The following ZNF138 variants were observed in gnomAD, a reference collection of about 807,000 sequenced individuals.
The protein encoded by ZNF138 is zinc finger protein 138, also known as zinc finger protein 138 (clone pHZ-32).
In ZNF138, 33 loss-of-function variants were observed where a neutral mutation model predicts 33.0. The ratio of observed to expected loss-of-function variants is 1.00; its 90% CI spans 0.76 to 1.34. ZNF138 has a LOEUF of 1.34. ZNF138 is among the 40% of genes most tolerant of loss of function. The probability of loss-of-function intolerance (pLI) is 0.00; values close to 1 mark genes in which losing one functional copy is unlikely to be tolerated. For missense variants in ZNF138, 360 were observed against 370.8 expected (o/e 0.97, Z 0.24); for synonymous variants, 139 against 120.4 (o/e 1.15, Z -1.01).
chr7:64,815,599 G>C lies in ZNF138; in HGVS notation c.154G>C (p.Gly52Arg), dbSNP rs1269090146. 2 of 1,612,400 alleles carry C rather than the reference G, an allele frequency of 1.2e-6. No individual in the cohort carries two copies. Among genetic ancestry groups the C allele is most frequent in the African/African-American group, 2.7e-5 (2 of 74,756 alleles). Residue 52 changes from glycine to arginine, a missense_variant, in exon 3 of 4, where the codon GGA becomes CGA. By Grantham distance (125) the Gly-to-Arg change is moderately radical. Transcript: ENST00000307355. ...AGACCTGATTACCTGTCTGGAACAA[G>C]GAAAAGAGCCCTGGAATATGAAGAG... ...FLDLITCLEQ[G>R]KEPWNMKRHE...
At chr7:64,850,460 G>A in the ZNF138 span, among the ~76,000 whole-genome samples, 1 of 152,046 alleles carries the variant, frequency 6.6e-6, no homozygotes, top group Non-Finnish European at 1.5e-5. Flanking sequence ...CTTGCCTCCT[G>A]TTCGCTATTT....
rs762100897 is a variant in ZNF138 at position 64,815,577 on chromosome 7, C to T, written c.132C>T (p.Asp44=). 2 of 1,610,710 alleles carry T rather than the reference C, an allele frequency of 1.2e-6. No homozygotes were observed. Among genetic ancestry groups the T allele is most frequent in the Middle Eastern group, 1.6e-4 (1 of 6,078 alleles). ...LENYRNLVFL[D]LITCLEQGKE... Reference sequence around the variant, plus strand: ...CAAGTATTGCTATCTCTAAGCCAGACCTGATTACCTGTCTGGAACAAGGAA... The same window carrying T: ...CAAGTATTGCTATCTCTAAGCCAGATCTGATTACCTGTCTGGAACAAGGAA... The change falls in exon 3 of 4, where the codon GAC becomes GAT. Residue 44 remains aspartate (D), a splice_region_variant and synonymous_variant. Coordinates refer to ENST00000307355, the MANE Select transcript of ZNF138 (RefSeq NM_001271639.2).
At chr7:64,842,940 A>G in the ZNF138 span, among the ~76,000 whole-genome samples, 12 of 152,308 alleles carry the variant, frequency 7.9e-5, no homozygotes, top group East Asian at 1.7e-3. Context: ...TCTATTAACT[A>G]TAATTATGTA....
intron 1 of ZNF138, among the ~76,000 whole-genome samples, chr7:64,809,665 GC>G (rs1262686154): frequency 6.7e-6 from 1 of 149,160 alleles, no homozygotes; most frequent in Non-Finnish European, 1.5e-5. Context: ...CCCAGATGGG[GC>G]TGCTGCCGGG....
intron 1 of ZNF138, among the ~76,000 whole-genome samples, chr7:64,811,759 A>G (rs1019623415): frequency 6.6e-6 from 1 of 152,236 alleles, no homozygotes; most frequent in East Asian, 1.9e-4. Context: ...TGCTGAGTGT[A>G]AGGAACTCTG....
intron 1 of ZNF138, among the ~76,000 whole-genome samples, chr7:64,805,848 C>G (rs1307705330): frequency 6.6e-6 from 1 of 152,152 alleles, no homozygotes; most frequent in Non-Finnish European, 1.5e-5. Flanking sequence ...TGGTTATAAC[C>G]AATTAACACA....
chr7:64,828,708 A>G (rs1315953143), intron 3 of ZNF138, among the ~76,000 whole-genome samples: 1 of 152,046 alleles, frequency 6.6e-6, no homozygotes, highest in Non-Finnish European at 1.5e-5. Context: ...ATTTGTACTC[A>G]TACCAAATTG....
chr7:64,797,909 G>A lies in ZNF138; in HGVS notation c.3+3338G>A, dbSNP rs535409487. On this transcript the variant is annotated intron_variant, in intron 1 of 3. Coordinates refer to ENST00000307355, the MANE Select transcript of ZNF138 (RefSeq NM_001271639.2). The stretch of plus-strand genomic sequence containing the variant: ...GGTGAGAGGGGAATGGCAAATGGAG[G>A]GTGTATAAATCAGATTTTATTTTTT... 3.9e-5 allele frequency among the ~76,000 whole-genome samples: 6 copies of A among 151,958 alleles called. No individual in the cohort carries two copies. The South Asian group carries it at 8.3e-4, about 21-fold the overall frequency.
At chr7:64,858,653 C>T in the ZNF138 span, among the ~76,000 whole-genome samples, 1 of 152,050 alleles carries the variant, frequency 6.6e-6, no homozygotes, top group African/African-American at 2.4e-5. Flanking sequence ...CTTTTTCACC[C>T]CCTGTCGCAG....
At chr7:64,818,748 T>TAA (rs1205847469) in intron 3 of ZNF138, among the ~76,000 whole-genome samples, 1 of 134,374 alleles carries the variant, frequency 7.4e-6, no homozygotes. Context: ...AGACTCCATC[T>TAA]AAAAAAAAAA....
chr7:64,819,517 G>A (rs184626970), intron 3 of ZNF138, among the ~76,000 whole-genome samples: 14 of 151,810 alleles, frequency 9.2e-5, no homozygotes, highest in African/African-American at 1.7e-4. Context: ...ACAGGTGGCC[G>A]CCACCATGCC....
intron 3 of ZNF138, among the ~76,000 whole-genome samples, chr7:64,816,407 C>T (rs1455379532): frequency 6.6e-6 from 1 of 150,656 alleles, no homozygotes; most frequent in Non-Finnish European, 1.5e-5. Flanking sequence ...AATTTTTTAC[C>T]TCTTTGGTTA....
chr7:64,825,784 A>G (rs779718372), intron 3 of ZNF138, among the ~76,000 whole-genome samples: 3 of 151,930 alleles, frequency 2.0e-5, no homozygotes, highest in Non-Finnish European at 2.9e-5. Flanking sequence ...TGATCTGCCC[A>G]CCTTGGCCTC....
chr7:64,816,656 G>A (rs1313898551), intron 3 of ZNF138, among the ~76,000 whole-genome samples: 1 of 151,896 alleles, frequency 6.6e-6, no homozygotes, highest in Non-Finnish European at 1.5e-5. Flanking sequence ...TGTCTTCAAT[G>A]GCATTTTTTT....
intron 1 of ZNF138, among the ~76,000 whole-genome samples, chr7:64,813,551 A>T (rs1302559511): frequency 6.6e-6 from 1 of 151,232 alleles, no homozygotes; most frequent in East Asian, 1.9e-4. Flanking sequence ...CTCCTGCCTC[A>T]GCCTCCCCAG....
At chr7:64,810,453 G>GAGGGAGAGGGGA (rs1259862169) in intron 1 of ZNF138, among the ~76,000 whole-genome samples, 15 of 1,292 alleles carry the variant, frequency 0.012, no homozygotes, top group Non-Finnish European at 0.052. Context: ...GGGAGAGGGA[G>GAGGGAGAGGGGA]AGGGGGAGGG....
At chr7:64,817,913 C>T (rs1788791100) in intron 3 of ZNF138, among the ~76,000 whole-genome samples, 1 of 151,760 alleles carries the variant, frequency 6.6e-6, no homozygotes, top group Non-Finnish European at 1.5e-5. Context: ...TTTAAGTTTG[C>T]TGTAGGTAAA....
At chr7:64,848,984 A>C in the ZNF138 span, among the ~76,000 whole-genome samples, 1 of 152,124 alleles carries the variant, frequency 6.6e-6, no homozygotes, top group African/African-American at 2.4e-5. Flanking sequence ...GATTACAGGC[A>C]TGAGCCACCA....
At chr7:64,807,651 A>C (rs2128992684) in intron 1 of ZNF138, among the ~76,000 whole-genome samples, 1 of 152,298 alleles carries the variant, frequency 6.6e-6, no homozygotes, top group South Asian at 2.1e-4. Flanking sequence ...GCAGGGCCAG[A>C]CTTTGGATTC....
Sources: allele counts gnomAD v4.1 joint callset (sites outside exome capture counted in the v4.1 genomes callset), GRCh38; gene constraint gnomAD v4.1.1; transcripts MANE v1.5; gene names NCBI Gene and HGNC (gene_info 2026-07-23, HGNC 2026-07-21).